Variants in CUX2 observed in about 807,000 individuals in gnomAD.
The protein encoded by CUX2 is cut like homeobox 2.
A neutral mutation model predicts 144.8 loss-of-function variants in CUX2; 40 were observed. The ratio of observed to expected loss-of-function variants is 0.28; its 90% confidence interval spans 0.21 to 0.36. The LOEUF is 0.36. Ranked by LOEUF, CUX2 falls within the 10% of genes least tolerant of loss-of-function variation. The pLI is 1.00. For synonymous variants in CUX2, 827 were observed against 875.6 expected (o/e 0.94, Z 0.98); for missense variants, 1,615 against 1,994.0 (o/e 0.81, Z 3.62).
Position 111,068,115 on chromosome 12 carries a change from C to A in CUX2, c.63+33875C>A, listed in dbSNP as rs1002768039. ...GCCTGGCGAAGTCCCTCCCGTGTCC[C>A]CAAGCCCACCACACCTGCTTCGTTC... On this transcript the variant is annotated intron_variant, in intron 1 of 21. Transcript: ENST00000261726. The surrounding 1 kb of genome is among the most constrained non-coding windows in gnomAD (Gnocchi z 4.9). Among the ~76,000 whole-genome samples, 3 of 152,084 alleles carry A rather than the reference C, an allele frequency of 2.0e-5. No homozygotes were observed. The highest frequency in any genetic ancestry group is 7.2e-5 in the African/African-American group (3 of 41,408).
intron 1 of CUX2, among the ~76,000 whole-genome samples, chr12:111,092,805 ATTTTTT>A (rs528129107): frequency 9.4e-6 from 1 of 106,028 alleles, no homozygotes; most frequent in Non-Finnish European, 1.9e-5. Flanking sequence ...GCTCTGGCAG[ATTTTTT>A]TTTTTTTTTT....
intron 1 of CUX2, among the ~76,000 whole-genome samples, chr12:111,119,830 G>A (rs1874527679): frequency 6.6e-6 from 1 of 152,252 alleles, no homozygotes; most frequent in African/African-American, 2.4e-5. Flanking sequence ...GGCCAAGGCG[G>A]GAGGATCACC....
Position 111,034,172 on chromosome 12 carries a change from C to A in CUX2, c.-6C>A, listed in dbSNP as rs759802069. 2.9e-6 allele frequency: 4 copies of A among 1,398,984 alleles called. No individual in the cohort carries two copies. The South Asian group carries it at 4.6e-5, about 16-fold the overall frequency. The allele number at this position is 1,398,984 out of a possible 1,614,324, so 86.7% of individuals were successfully genotyped here. On this transcript the variant is annotated 5_prime_UTR_variant, in exon 1 of 22. Transcript: ENST00000261726. This position sits in a 1 kb window ranked among gnomAD's most constrained non-coding sequence, Gnocchi z 4.2. ...CTTGTGTGTGCGCGTCTCGATAGCC[C>A]CCAAGATGGCCGCCAATGTGGGATC...
chr12:111,334,516 C>A lies in CUX2; in HGVS notation c.3002C>A (p.Pro1001Gln). 1.9e-6 allele frequency: 3 copies of A among 1,613,940 alleles called. No individual in the cohort carries two copies. The highest frequency in any genetic ancestry group is 2.5e-6 in the Non-Finnish European group (3 of 1,179,984). The change falls in exon 19 of 22, where the codon CCG (proline) becomes CAG (glutamine). Residue 1001 changes from proline to glutamine, a missense_variant. Pro to Gln is a moderately conservative substitution (Grantham distance 76). Around this residue, in one of 12 missense-constraint regions of CUX2, gnomAD observed 128 missense variants for 124.4 expected, o/e 1.03. Transcript: ENST00000261726. ...GAGCCTGAGAAGAGCTCCCAGGAGC[C>A]GTTGAGCCTGTCCCTGGAGAGCAGC... The part of the protein sequence containing the change: ...PTEPEKSSQE[P>Q]LSLSLESSKE...
intron 3 of CUX2, among the ~76,000 whole-genome samples, chr12:111,234,231 A>C (rs1314470779): frequency 6.6e-6 from 1 of 152,206 alleles, no homozygotes; most frequent in African/African-American, 2.4e-5. Flanking sequence ...CCCTGAATAC[A>C]CAGCCTTGCA....
Position 111,116,605 on chromosome 12 carries a change from G to A in CUX2, c.63+82365G>A, listed in dbSNP as rs114725685. 6.4e-4 allele frequency among the ~76,000 whole-genome samples: 97 copies of A among 152,340 alleles called. 1 individual carries two copies. The highest frequency in any genetic ancestry group is 2.3e-3 in the African/African-American group (95 of 41,580). On this transcript the variant is annotated intron_variant, in intron 1 of 21. Coordinates refer to ENST00000261726, the MANE Select transcript of CUX2 (RefSeq NM_015267.4). ...TCCCGAGGCATATTACAGGATGTTG[G>A]TGATTCAGAGCAAGTTGAGAGAGAG...
chr12:111,085,371 CT>C (rs1208145958), intron 1 of CUX2, among the ~76,000 whole-genome samples: 3 of 152,186 alleles, frequency 2.0e-5, no homozygotes, highest in Non-Finnish European at 4.4e-5. Context: ...CAGCATGCAT[CT>C]GAGCAGGTCA....
chr12:111,341,735 G>A (rs1249775610), intron 20 of CUX2, 45 bp from the exon 21 acceptor site: 2 of 1,521,582 alleles, frequency 1.3e-6, no homozygotes, highest in Admixed American at 4.2e-5. Flanking sequence ...GAACTTTTGG[G>A]ATGGGGACAC....
chr12:111,347,450 C>A, intron 21 of CUX2, 74 bp from the exon 22 acceptor site: 2 of 1,415,528 alleles, frequency 1.4e-6, no homozygotes, highest in Non-Finnish European at 1.9e-6. Flanking sequence ...GACCAAAATG[C>A]CATGTATGCA....
chr12:111,046,679 C>CA (rs1870008946), intron 1 of CUX2, among the ~76,000 whole-genome samples: 1 of 151,980 alleles, frequency 6.6e-6, no homozygotes, highest in South Asian at 2.1e-4. Flanking sequence ...TTTTTTGAGA[C>CA]AGAGTCTGGC....
intron 16 of CUX2, among the ~76,000 whole-genome samples, chr12:111,317,326 C>G (rs922384872): frequency 3.3e-5 from 5 of 152,168 alleles, no homozygotes; most frequent in African/African-American, 1.2e-4. Context: ...CATCTATTAT[C>G]CTTGGTTCAT....
At chr12:111,128,831 GGGCACCAT>G (rs1875256493) in intron 1 of CUX2, among the ~76,000 whole-genome samples, 2 of 152,214 alleles carry the variant, frequency 1.3e-5, no homozygotes, top group Admixed American at 6.5e-5. Context: ...CTGACACCTC[GGGCACCAT>G]GGCATCTGCT....
chr12:111,268,873 C>G (rs373501916), intron 4 of CUX2, among the ~76,000 whole-genome samples: 2 of 152,200 alleles, frequency 1.3e-5, no homozygotes, highest in African/African-American at 2.4e-5. Flanking sequence ...CCTGTACAGA[C>G]CCCAGAGATG....
intron 16 of CUX2, among the ~76,000 whole-genome samples, chr12:111,318,494 C>T (rs1887317646): frequency 6.6e-6 from 1 of 151,078 alleles, no homozygotes; most frequent in South Asian, 2.1e-4. Flanking sequence ...GGCAGGAGAA[C>T]CACTTGAGCC....
At chr12:111,138,673 C>T (rs970330918) in intron 1 of CUX2, among the ~76,000 whole-genome samples, 34 of 152,054 alleles carry the variant, frequency 2.2e-4, no homozygotes, top group African/African-American at 6.8e-4. Context: ...TGTTGGTGGC[C>T]CACCCAGACC....
intron 1 of CUX2, among the ~76,000 whole-genome samples, chr12:111,189,258 T>TG (rs1879736974): frequency 6.6e-6 from 1 of 152,142 alleles, no homozygotes; most frequent in Non-Finnish European, 1.5e-5. Flanking sequence ...GGTGACAGAA[T>TG]GAGACCCTGT....
intron 1 of CUX2, among the ~76,000 whole-genome samples, chr12:111,083,813 G>A (rs969051706): frequency 2.6e-5 from 4 of 152,122 alleles, no homozygotes; most frequent in Non-Finnish European, 5.9e-5. Context: ...GAGATTGGGA[G>A]AAAAGGCCAG....
chr12:111,066,322 G>A (rs746408814), intron 1 of CUX2, among the ~76,000 whole-genome samples: 5 of 152,232 alleles, frequency 3.3e-5, no homozygotes, highest in Non-Finnish European at 4.4e-5. Context: ...TATAGTGGGA[G>A]CATTTCAGGT....
chr12:111,326,459 G>C (rs1050456615), intron 18 of CUX2, among the ~76,000 whole-genome samples: 8 of 151,494 alleles, frequency 5.3e-5, no homozygotes, highest in African/African-American at 1.9e-4. Flanking sequence ...GTGGGGTAGG[G>C]GTTGGTTTTG....
Sources: gnomAD v4.1 joint callset for allele counts (sites outside exome capture counted in the v4.1 genomes callset) on GRCh38, gnomAD v4.1.1 for gene constraint, gnomAD v4.1.1 regional missense constraint, Gnocchi (gnomAD v3.1) non-coding constraint, MANE v1.5 for transcripts, NCBI Gene and HGNC (gene_info 2026-07-23, HGNC 2026-07-21) for gene names.